The following NFIC variants were observed in gnomAD, a reference collection of about 807,000 sequenced individuals.
NFIC encodes the protein nuclear factor 1 C-type.
In NFIC, 12 loss-of-function variants were observed where a neutral mutation model predicts 54.4. The ratio of observed to expected loss-of-function variants is 0.22; its 90% CI spans 0.14 to 0.36. The LOEUF is 0.36. NFIC is among the 10% of genes least tolerant of loss of function. NFIC has a pLI of 1.00. For missense variants in NFIC, 575 were observed against 718.2 expected (o/e 0.80, Z 2.28); for synonymous variants, 322 against 319.2 (o/e 1.01, Z -0.09).
intron 2 of NFIC, among the ~76,000 whole-genome samples, chr19:3,424,677 C>G (rs2082000878): frequency 6.6e-6 from 1 of 152,196 alleles, no homozygotes; most frequent in Non-Finnish European, 1.5e-5. Context: ...GCCACCGTGC[C>G]CGGCCTGAAC....
At chr19:3,365,057 C>A (rs2080863602), upstream of NFIC, among the ~76,000 whole-genome samples, 2 of 152,116 alleles carry the variant, frequency 1.3e-5, no homozygotes, top group African/African-American at 4.8e-5. Context: ...CAGAGGGGAG[C>A]CTGTGGGGGG....
In NFIC at chr19:3,434,950, C is replaced by G. The variant is rs565016173; in HGVS notation, c.834-133C>G. On this transcript the variant is annotated intron_variant, in intron 5 of 10. Coordinates refer to ENST00000443272, the MANE Select transcript of NFIC (RefSeq NM_001245002.2). ...TAGGGAACGGGCTGAACGCCCGCGG[C>G]TCCCGCGATGTCTCGCGATACTACC... 9.6e-6 allele frequency: 12 copies of G among 1,256,394 alleles called. No homozygotes were observed. In the African/African-American group the frequency reaches 1.5e-4, roughly 16 times the overall value. 77.8% of individuals were successfully genotyped at this position (1,256,394 alleles called of 1,614,324 possible). A position where few individuals can be genotyped will look rare whatever the true frequency, so the allele number is the denominator to read the frequency against.
Position 3,377,150 on chromosome 19 carries a change from A to AC in NFIC, c.31-4557dup, listed in dbSNP as rs530584479. Among the ~76,000 whole-genome samples the AC allele has an allele frequency of 8.4e-4, 125 of 148,844 alleles. 1 individual carries two copies. The East Asian group carries it at 0.019, about 23-fold the overall frequency. On this transcript the variant is annotated intron_variant, in intron 1 of 10. Coordinates refer to ENST00000443272, the MANE Select transcript of NFIC (RefSeq NM_001245002.2). ...GAGACCATCCTGGCTAACACAGTGA[A>AC]CCCCCGTCTCTACTAAAAAAAAAAA... is the stretch of plus-strand genomic sequence containing the variant.
At chr19:3,389,194 C>A (rs972606737) in intron 2 of NFIC, among the ~76,000 whole-genome samples, 1 of 152,082 alleles carries the variant, frequency 6.6e-6, no homozygotes, top group Non-Finnish European at 1.5e-5. Flanking sequence ...GGAAGGGGAC[C>A]AAGCCTGGGG....
chr19:3,368,913 C>CTCTGTGTG (rs2080945946), intron 1 of NFIC, among the ~76,000 whole-genome samples: 2 of 147,066 alleles, frequency 1.4e-5, no homozygotes, highest in African/African-American at 5.1e-5. Context: ...TGCTCTGACT[C>CTCTGTGTG]TGTGTGTGTG....
intron 1 of NFIC, among the ~76,000 whole-genome samples, chr19:3,361,500 A>AC (rs1238847340): frequency 3.7e-4 from 18 of 48,672 alleles, no homozygotes; most frequent in Non-Finnish European, 7.5e-4. Context: ...CTCCACCCCC[A>AC]CCCCACCCCC....
upstream of NFIC, among the ~76,000 whole-genome samples, chr19:3,366,042 C>T (rs975935378): frequency 1.3e-5 from 2 of 152,110 alleles, no homozygotes; most frequent in South Asian, 2.1e-4. Context: ...TCCTTCCCTC[C>T]CCCCTGGCTC....
intron 3 of NFIC, among the ~76,000 whole-genome samples, chr19:3,425,918 CTTTTTTTTTTTTTTTTTTTTTTTT>C (rs869165549): frequency 1.8e-5 from 1 of 54,488 alleles, no homozygotes; most frequent in Non-Finnish European, 3.1e-5. Flanking sequence ...CCATGCCTGG[CTTTTTTTTTTTTTTTTTTTTTTTT>C]TTTTTTTTTT....
At chr19:3,428,181 A>AAAAAG (rs898311088) in intron 3 of NFIC, among the ~76,000 whole-genome samples, 4 of 151,044 alleles carry the variant, frequency 2.6e-5, no homozygotes, top group African/African-American at 7.3e-5. Context: ...CAAAAAAAAA[A>AAAAAG]AAAAGAAAAG....
intron 10 of NFIC, 52 bp downstream of exon 10, chr19:3,456,687 C>T (rs750571327): frequency 1.4e-4 from 194 of 1,345,942 alleles, no homozygotes; most frequent in Non-Finnish European, 1.9e-4. Flanking sequence ...GCAGAGGGGC[C>T]GGCCCGGGGG....
intron 3 of NFIC, among the ~76,000 whole-genome samples, chr19:3,428,192 A>G (rs559705040): frequency 6.6e-6 from 1 of 150,794 alleles, no homozygotes; most frequent in Middle Eastern, 3.4e-3. Flanking sequence ...AAAAGAAAAG[A>G]AAAGAAAAAG....
intron 2 of NFIC, among the ~76,000 whole-genome samples, chr19:3,408,663 G>A (rs1021814233): frequency 3.3e-5 from 5 of 151,944 alleles, no homozygotes; most frequent in South Asian, 2.1e-4. Context: ...ACTCTGTCGC[G>A]CCAACTCGGC....
chr19:3,419,831 A>G (rs988885771), intron 2 of NFIC, among the ~76,000 whole-genome samples: 1 of 151,970 alleles, frequency 6.6e-6, no homozygotes, highest in Admixed American at 6.6e-5. Flanking sequence ...TAATTAAAAA[A>G]CACATAAATT....
chr19:3,429,130 AAAAT>A (rs1251112503), intron 3 of NFIC, among the ~76,000 whole-genome samples: 10 of 82,022 alleles, frequency 1.2e-4, no homozygotes, highest in African/African-American at 5.5e-4. Context: ...ACCCAAAAAA[AAAAT>A]ATACACACAC....
At chr19:3,434,860 A>G (rs2082173231) in intron 5 of NFIC, among the ~76,000 whole-genome samples, 1 of 152,176 alleles carries the variant, frequency 6.6e-6, no homozygotes. Flanking sequence ...ACCTGTGTTG[A>G]GACCCTCCCT....
In NFIC at chr19:3,429,248, ATATATACACAC is replaced by A. The variant is rs1388011969; in HGVS notation, c.634+4072_634+4082del. ...CTCTACCCCAAAAAAAAAAAAAAAA[ATATATACACAC>A]ACACACACACACACACACACACACA... On this transcript the variant is annotated intron_variant, in intron 3 of 10. Coordinates refer to ENST00000443272, the MANE Select transcript of NFIC (RefSeq NM_001245002.2). 1.8e-4 allele frequency among the ~76,000 whole-genome samples: 11 copies of A among 60,220 alleles called. 1 individual carries two copies. Among genetic ancestry groups the A allele is most frequent in the African/African-American group, 3.0e-4 (4 of 13,152 alleles). The allele number at this position is 60,220 out of a possible 152,430, so 39.5% of individuals were successfully genotyped here. A position where few individuals can be genotyped will look rare whatever the true frequency, so the allele number is the denominator to read the frequency against.
intron 6 of NFIC, among the ~76,000 whole-genome samples, chr19:3,437,474 G>A (rs1413653797): frequency 6.6e-6 from 1 of 152,082 alleles, no homozygotes; most frequent in Non-Finnish European, 1.5e-5. Context: ...CCCAGAGCAG[G>A]AACATTCCTA....
chr19:3,456,615 G>A lies in NFIC; in HGVS notation c.1489G>A (p.Ala497Thr). 1.3e-6 allele frequency: 2 copies of A among 1,553,194 alleles called. No homozygotes were observed. Among genetic ancestry groups the A allele is most frequent in the Non-Finnish European group, 1.7e-6 (2 of 1,147,696 alleles). Reference protein sequence around the residue: ...SFVGLGPRDPAGIYQAQSWYL... With the variant: ...SFVGLGPRDPTGIYQAQSWYL... Reference sequence around the variant, plus strand: ...TGTGGGATTAGGACCAAGGGATCCTGCGGGCATTTATCAGGCACAGGTAGG... The same window carrying A: ...TGTGGGATTAGGACCAAGGGATCCTACGGGCATTTATCAGGCACAGGTAGG... The change falls in exon 10 of 11, where the codon GCG becomes ACG. Residue 497 changes from alanine (A) to threonine (T), a missense_variant. Coordinates refer to ENST00000443272, the MANE Select transcript of NFIC (RefSeq NM_001245002.2).
chr19:3,415,020 G>A (rs1421901560), intron 2 of NFIC, among the ~76,000 whole-genome samples: 28 of 151,640 alleles, frequency 1.8e-4, no homozygotes, highest in African/African-American at 6.8e-4. Context: ...TTGTATTTTT[G>A]GTAGAGACGG....
Sources: allele counts gnomAD v4.1 joint callset (sites outside exome capture counted in the v4.1 genomes callset), GRCh38; gene constraint gnomAD v4.1.1; transcripts MANE v1.5; gene names NCBI Gene and HGNC (gene_info 2026-07-23, HGNC 2026-07-21).